The following SCMH1 variants were observed in gnomAD, a reference collection of about 807,000 sequenced individuals.
SCMH1 encodes the protein polycomb protein SCMH1.
SCMH1 carries 37 observed loss-of-function variants against 70.8 expected under a neutral mutation model. That is an observed-to-expected ratio of 0.52 (90% CI 0.40 to 0.69). The LOEUF is 0.69. Ranked by LOEUF, SCMH1 falls within the 30% of genes least tolerant of loss-of-function variation. The pLI is 0.00. For missense variants in SCMH1, 607 were observed against 827.3 expected (o/e 0.73, Z 3.27); for synonymous variants, 292 against 307.4 (o/e 0.95, Z 0.52).
chr1:41,048,360 C>T (rs1388727344), intron 11 of SCMH1, among the ~76,000 whole-genome samples: 2 of 152,152 alleles, frequency 1.3e-5, no homozygotes, highest in African/African-American at 2.4e-5. Flanking sequence ...TGGGAGGCTG[C>T]AACAGTCTGG....
At chr1:41,060,151 T>C (rs922590488) in intron 10 of SCMH1, among the ~76,000 whole-genome samples, 6 of 151,888 alleles carry the variant, frequency 4.0e-5, no homozygotes, top group South Asian at 2.1e-4. Flanking sequence ...CCCAAATTAA[T>C]GTTACATACC....
intron 5 of SCMH1, among the ~76,000 whole-genome samples, chr1:41,150,198 T>G (rs188655394): frequency 6.6e-6 from 1 of 152,312 alleles, no homozygotes; most frequent in Non-Finnish European, 1.5e-5. Flanking sequence ...TGCTTGATTT[T>G]TAGTGACTTA....
chr1:41,137,419 C>T (rs927093434), intron 6 of SCMH1, among the ~76,000 whole-genome samples: 1 of 152,098 alleles, frequency 6.6e-6, no homozygotes, highest in African/African-American at 2.4e-5. Context: ...TTATAAGGAT[C>T]TAAAGTTTGA....
intron 8 of SCMH1, among the ~76,000 whole-genome samples, chr1:41,087,173 C>A (rs567011260): frequency 1.9e-4 from 29 of 152,058 alleles, no homozygotes; most frequent in African/African-American, 7.0e-4. Context: ...TGGATGGCCA[C>A]TGGAAAAACA....
intron 8 of SCMH1, among the ~76,000 whole-genome samples, chr1:41,096,320 G>A (rs1665045566): frequency 6.6e-6 from 1 of 152,204 alleles, no homozygotes; most frequent in South Asian, 2.1e-4. Context: ...GATCTCCCAG[G>A]AAATAAATAG....
At chr1:41,159,827 G>A in intron 4 of SCMH1, 1 of 1,398,816 alleles carries the variant, frequency 7.1e-7, no homozygotes, top group Non-Finnish European at 9.3e-7. Flanking sequence ...TCTGAGTATA[G>A]CCGCTGAACA....
chr1:41,051,931 A>G (rs1214785454), intron 10 of SCMH1, among the ~76,000 whole-genome samples: 7 of 152,224 alleles, frequency 4.6e-5, no homozygotes, highest in Non-Finnish European at 1.0e-4. Flanking sequence ...CTCACCACTC[A>G]TTCACCACTC....
At chr1:41,099,315 C>T (rs1432595196) in intron 8 of SCMH1, among the ~76,000 whole-genome samples, 1 of 152,190 alleles carries the variant, frequency 6.6e-6, no homozygotes, top group Non-Finnish European at 1.5e-5. Flanking sequence ...ACACACATTT[C>T]AAACGCATCC....
chr1:41,150,936 C>CAAAAAA (rs71062579), intron 5 of SCMH1, among the ~76,000 whole-genome samples: 8 of 76,432 alleles, frequency 1.0e-4, no homozygotes, highest in Admixed American at 1.6e-4. Flanking sequence ...GACACCATCT[C>CAAAAAA]AAAAAAAAAA....
chr1:41,082,656 G>A (rs1433024811), intron 8 of SCMH1, among the ~76,000 whole-genome samples: 1 of 152,048 alleles, frequency 6.6e-6, no homozygotes, highest in Non-Finnish European at 1.5e-5. Flanking sequence ...CCAAAGCCGG[G>A]CAGAGACACA....
At chr1:41,229,867 G>A (rs1660978181) in intron 1 of SCMH1, among the ~76,000 whole-genome samples, 1 of 152,206 alleles carries the variant, frequency 6.6e-6, no homozygotes, top group East Asian at 1.9e-4. Context: ...CTGTGGAAGG[G>A]CAGTCAGTAT....
intron 6 of SCMH1, among the ~76,000 whole-genome samples, chr1:41,126,616 T>G (rs553641706): frequency 6.6e-6 from 1 of 152,172 alleles, no homozygotes; most frequent in East Asian, 1.9e-4. Context: ...TGTGTATACA[T>G]ACATATTTCC....
chr1:41,168,063 C>T (rs899171870), intron 2 of SCMH1, among the ~76,000 whole-genome samples: 5 of 152,170 alleles, frequency 3.3e-5, no homozygotes, highest in Admixed American at 2.6e-4. Flanking sequence ...TCAACTCTCT[C>T]TAACTTAGAA....
intron 12 of SCMH1, among the ~76,000 whole-genome samples, chr1:41,039,432 C>G (rs138048640): frequency 2.0e-5 from 3 of 151,846 alleles, no homozygotes; most frequent in Non-Finnish European, 4.4e-5. Flanking sequence ...GCTGATCAGA[C>G]GAGGCTCTCT....
At chr1:41,054,630 C>T (rs1296585143) in intron 10 of SCMH1, among the ~76,000 whole-genome samples, 1 of 152,156 alleles carries the variant, frequency 6.6e-6, no homozygotes, top group Non-Finnish European at 1.5e-5. Flanking sequence ...TTGCCTTAAA[C>T]AACAGGATTT....
chr1:41,048,784 C>T (rs1231354079), exon 11 of SCMH1: 1 of 1,614,150 alleles, frequency 6.2e-7, no homozygotes, highest in South Asian at 1.1e-5. Flanking sequence ...CAGCCTGCTG[C>T]AACACCACAG....
At chr1:41,237,473 G>C (rs1662618131) in intron 1 of SCMH1, among the ~76,000 whole-genome samples, 1 of 152,090 alleles carries the variant, frequency 6.6e-6, no homozygotes, top group African/African-American at 2.4e-5. Flanking sequence ...TTTACAGATA[G>C]TAAACTGAGG....
chr1:41,083,922 T>C (rs1396766329), intron 8 of SCMH1, among the ~76,000 whole-genome samples: 1 of 152,206 alleles, frequency 6.6e-6, no homozygotes, highest in Non-Finnish European at 1.5e-5. Flanking sequence ...TGGCTGGCCG[T>C]ATGTAGAAAG....
At chr1:41,138,503 A>G (rs1226065536) in intron 6 of SCMH1, among the ~76,000 whole-genome samples, 1 of 152,008 alleles carries the variant, frequency 6.6e-6, no homozygotes. Flanking sequence ...CTTTTCTAAT[A>G]TTTATTTTTA....
Sources: gnomAD v4.1 joint callset for allele counts (sites outside exome capture counted in the v4.1 genomes callset) on GRCh38, gnomAD v4.1.1 for gene constraint, MANE v1.5 for transcripts, NCBI Gene and HGNC (gene_info 2026-07-23, HGNC 2026-07-21) for gene names.